Variants in SLIT3 observed in about 807,000 individuals in gnomAD.
SLIT3 encodes the protein slit guidance ligand 3.
A neutral mutation model predicts 184.0 loss-of-function variants in SLIT3; 68 were observed. The observed-to-expected ratio is 0.37, with a 90% CI of 0.30 to 0.45. SLIT3 has a LOEUF of 0.45. Among genes scored for constraint, SLIT3 ranks in the 20% least tolerant of loss-of-function variants. The pLI, the probability that SLIT3 is intolerant of heterozygous loss-of-function variation, is 1.00. For synonymous variants in SLIT3, 831 were observed against 828.6 expected (o/e 1.00, Z -0.05); for missense variants, 1,707 against 2,026.0 (o/e 0.84, Z 3.02).
intron 4 of SLIT3, among the ~76,000 whole-genome samples, chr5:169,050,255 C>T (rs1757769178): frequency 1.3e-5 from 2 of 152,196 alleles, no homozygotes; most frequent in African/African-American, 4.8e-5. Flanking sequence ...TGTATCTCCT[C>T]ATGCACAAAT....
At chr5:169,262,385 G>A (rs112254268) in intron 1 of SLIT3, among the ~76,000 whole-genome samples, 9 of 152,128 alleles carry the variant, frequency 5.9e-5, no homozygotes, top group African/African-American at 1.9e-4. Flanking sequence ...GTGAGATTTG[G>A]TCTGAGACTA....
chr5:169,178,447 C>T (rs922826431), intron 4 of SLIT3, among the ~76,000 whole-genome samples: 6 of 152,162 alleles, frequency 3.9e-5, no homozygotes, highest in Non-Finnish European at 5.9e-5. Context: ...ACACACTGAA[C>T]GGTTGCTGTA....
At chr5:168,679,092 T>C (rs1218645584) in intron 32 of SLIT3, among the ~76,000 whole-genome samples, 2 of 152,186 alleles carry the variant, frequency 1.3e-5, no homozygotes, top group African/African-American at 4.8e-5. Context: ...CGGGTCTTGC[T>C]CTCTCACCCA....
chr5:168,678,358 C>T (rs1450469835), intron 32 of SLIT3, among the ~76,000 whole-genome samples: 8 of 152,124 alleles, frequency 5.3e-5, no homozygotes, highest in Non-Finnish European at 7.4e-5. Context: ...AAATCATGGC[C>T]GGGCACGGTG....
rs375499451 is a variant in SLIT3, at chr5:169,175,753, C to T, written c.413+17726G>A. On this transcript the variant is annotated intron_variant, in intron 4 of 35. Transcript: ENST00000519560. ...CAGACAAGCTGGTAATATCTGCAGG[C>T]CTTTCCTACACACCACCTTTCTTTC... is the stretch of plus-strand genomic sequence containing the variant. 4.6e-5 allele frequency among the ~76,000 whole-genome samples: 7 copies of T among 152,320 alleles called. No individual in the cohort carries two copies. The East Asian group carries it at 9.7e-4, about 21-fold the overall frequency.
At chr5:168,764,808 G>T (rs1050213425) in intron 14 of SLIT3, among the ~76,000 whole-genome samples, 1 of 152,118 alleles carries the variant, frequency 6.6e-6, no homozygotes, top group African/African-American at 2.4e-5. Flanking sequence ...ACAGTTATTC[G>T]AGTGGCTTCC....
chr5:169,180,675 T>C (rs1763124496), intron 4 of SLIT3, among the ~76,000 whole-genome samples: 1 of 152,176 alleles, frequency 6.6e-6, no homozygotes, highest in Admixed American at 6.5e-5. Flanking sequence ...GAGAACAGAA[T>C]ATTCCCTGAG....
intron 4 of SLIT3, among the ~76,000 whole-genome samples, chr5:169,096,237 A>G (rs1311778167): frequency 6.6e-6 from 1 of 152,270 alleles, no homozygotes; most frequent in Non-Finnish European, 1.5e-5. Context: ...TAAGTATAGC[A>G]TTCTTCTTGT....
At chr5:169,011,697 A>T (rs1253839399) in intron 4 of SLIT3, among the ~76,000 whole-genome samples, 1 of 152,202 alleles carries the variant, frequency 6.6e-6, no homozygotes, top group Non-Finnish European at 1.5e-5. Context: ...TATGGACATC[A>T]GGTCAAAGGG....
chr5:169,222,506 G>A (rs1437145766), intron 3 of SLIT3, among the ~76,000 whole-genome samples: 1 of 152,092 alleles, frequency 6.6e-6, no homozygotes, highest in South Asian at 2.1e-4. Context: ...TTACTTGTCA[G>A]GATTGTGATG....
At chr5:168,669,749 C>CA (rs773469108) in intron 35 of SLIT3, 34 bp downstream of exon 35, 1 of 1,578,994 alleles carries the variant, frequency 6.3e-7, no homozygotes, top group South Asian at 1.1e-5. Context: ...CTCTGACCCC[C>CA]ACTTCCTCCC....
intron 4 of SLIT3, among the ~76,000 whole-genome samples, chr5:168,938,930 A>G (rs1466169183): frequency 2.0e-5 from 3 of 152,032 alleles, no homozygotes; most frequent in African/African-American, 7.3e-5. Flanking sequence ...TGCCCAGCCT[A>G]TACAATGATT....
chr5:169,076,924 CAAA>C (rs1167229794), intron 4 of SLIT3, among the ~76,000 whole-genome samples: 1 of 151,906 alleles, frequency 6.6e-6, no homozygotes, highest in Non-Finnish European at 1.5e-5. Context: ...CTCACACACA[CAAA>C]AATCCCTCTC....
Position 168,710,935 on chromosome 5 carries a change from C to G in SLIT3, c.2679G>C (p.Arg893Ser), listed in dbSNP as rs1762536664. 6 of 1,562,848 alleles carry G rather than the reference C, an allele frequency of 3.8e-6. No homozygotes were observed. Among genetic ancestry groups the G allele is most frequent in the Non-Finnish European group, 5.2e-6 (6 of 1,153,080 alleles). Residue 893 changes from arginine to serine, a missense_variant, in exon 25 of 36, where the codon AGG becomes AGC. Physicochemically the swap from Arg to Ser is moderately radical, Grantham distance 110. Transcript: ENST00000519560. ...RCSSPEPMAD[R>S]LLLTTPTHRF... Reference sequence around the variant, plus strand: ...GGTGGGTTGGGGTGGTGAGCAGGAGCCTGTCAGCCATGGGCTCAGGGCTAC... The same window carrying G: ...GGTGGGTTGGGGTGGTGAGCAGGAGGCTGTCAGCCATGGGCTCAGGGCTAC...
At chr5:169,084,559 C>T (rs1001588625) in intron 4 of SLIT3, among the ~76,000 whole-genome samples, 17 of 151,306 alleles carry the variant, frequency 1.1e-4, no homozygotes, top group East Asian at 3.9e-4. Flanking sequence ...CCATCTGCCT[C>T]GGCCTCCCAA....
intron 4 of SLIT3, among the ~76,000 whole-genome samples, chr5:169,186,200 T>G (rs297886): frequency 0.79 from 120,012 of 151,952 alleles, 47,662 homozygotes; most frequent in East Asian, 0.87. Context: ...TTAAAGTGGC[T>G]ATCAGGTTAA....
intron 4 of SLIT3, among the ~76,000 whole-genome samples, chr5:169,144,367 C>T (rs892124995): frequency 6.6e-6 from 1 of 152,204 alleles, no homozygotes; most frequent in Admixed American, 6.5e-5. Context: ...CCCTGCTTTA[C>T]GTTCCCATAG....
chr5:169,022,434 C>T (rs1343213824), intron 4 of SLIT3, among the ~76,000 whole-genome samples: 1 of 152,180 alleles, frequency 6.6e-6, no homozygotes, highest in African/African-American at 2.4e-5. Context: ...GGATTATTTG[C>T]AAGTGCCTGC....
intron 22 of SLIT3, among the ~76,000 whole-genome samples, chr5:168,722,663 G>A (rs141132931): frequency 2.1e-3 from 318 of 152,274 alleles, no homozygotes; most frequent in African/African-American, 7.2e-3. Flanking sequence ...AACCATTTCC[G>A]GGAAAGAAAA....
Sources: gnomAD v4.1 joint callset for allele counts (sites outside exome capture counted in the v4.1 genomes callset) on GRCh38, gnomAD v4.1.1 for gene constraint, MANE v1.5 for transcripts, NCBI Gene and HGNC (gene_info 2026-07-23, HGNC 2026-07-21) for gene names.